The following AP4E1 variants were observed in gnomAD, a reference collection of about 807,000 sequenced individuals.
AP4E1 encodes the protein AP-4 complex subunit epsilon-1.
In AP4E1, 56 loss-of-function variants were observed where a neutral mutation model predicts 128.2. The ratio of observed to expected loss-of-function variants is 0.44; its 90% confidence interval spans 0.35 to 0.55. AP4E1 has a LOEUF of 0.55. Ranked by LOEUF, AP4E1 falls within the 20% of genes least tolerant of loss-of-function variation. AP4E1 has a pLI of 0.00. For missense variants in AP4E1, 1,324 were observed against 1,307.7 expected, an observed-to-expected ratio of 1.01 and a Z score of -0.19; for synonymous variants, 484 against 473.1, an observed-to-expected ratio of 1.02 and a Z score of -0.30.
chr15:50,914,968 G>A (rs987379846), intron 2 of AP4E1, among the ~76,000 whole-genome samples: 1 of 152,130 alleles, frequency 6.6e-6, no homozygotes, highest in Non-Finnish European at 1.5e-5. Context: ...CAATAATTCT[G>A]AAGAAAATCT....
At chr15:50,916,458 A>G (rs560187938) in intron 3 of AP4E1, among the ~76,000 whole-genome samples, 4 of 152,352 alleles carry the variant, frequency 2.6e-5, no homozygotes, top group Non-Finnish European at 5.9e-5. Flanking sequence ...TTCTATTCAT[A>G]AATGTTCAAC....
chr15:50,997,631 A>C lies in AP4E1; in HGVS notation c.2652A>C (p.Glu884Asp). The change falls in exon 18 of 21, where the codon GAA (glutamate) becomes GAC (aspartate). Residue 884 changes from glutamate (E) to aspartate (D), a missense_variant. By Grantham distance (45) the Glu-to-Asp change is conservative. Coordinates refer to ENST00000261842, the MANE Select transcript of AP4E1 (RefSeq NM_007347.5). ...CATTGTTTGCTAATAACAACATGGA[A>C]ATTTTTCACCCTCCTCAATCTACTG... ...TPSLFANNNM[E>D]IFHPPQSTAA... The C allele has an allele frequency of 6.2e-7, 1 of 1,614,072 alleles. No individual in the cohort carries two copies. The highest frequency in any genetic ancestry group is 8.5e-7 in the Non-Finnish European group (1 of 1,179,996).
chr15:50,934,966 T>C (rs1314523212), intron 8 of AP4E1, among the ~76,000 whole-genome samples: 1 of 152,132 alleles, frequency 6.6e-6, no homozygotes, highest in African/African-American at 2.4e-5. Context: ...TTTTTTCAAG[T>C]ATCTAATTGA....
chr15:50,918,903 G>A (rs991217352), intron 3 of AP4E1, among the ~76,000 whole-genome samples: 1 of 151,850 alleles, frequency 6.6e-6, no homozygotes, highest in Non-Finnish European at 1.5e-5. Context: ...GCTTATTTTT[G>A]ATTTTTTTTT....
At chr15:50,937,443 A>C (rs1295805775) in intron 8 of AP4E1, among the ~76,000 whole-genome samples, 2 of 152,244 alleles carry the variant, frequency 1.3e-5, no homozygotes, top group African/African-American at 2.4e-5. Flanking sequence ...AATATCTGCT[A>C]TGTGCCAGGC....
Position 50,912,122 on chromosome 15 carries a change from G to A in AP4E1, c.195G>A (p.Ala65=), listed in dbSNP as rs376597376. ...LIQQELSSLK[A]TVSAPTTTLK... ...AGCAGGAACTGAGTAGTCTGAAAGC[G>A]ACTGTTTCTGCTCCTACTACAACAC... The change falls in exon 2 of 21, where the codon GCG becomes GCA. Residue 65 remains alanine, a synonymous_variant. Coordinates refer to ENST00000261842, the MANE Select transcript of AP4E1 (RefSeq NM_007347.5). 7 of 1,613,972 alleles carry A rather than the reference G, an allele frequency of 4.3e-6. No homozygotes were observed. Among genetic ancestry groups the A allele is most frequent in the East Asian group, 4.5e-5 (2 of 44,872 alleles).
chr15:50,966,924 T>A (rs1012320203), intron 14 of AP4E1, among the ~76,000 whole-genome samples: 2 of 152,246 alleles, frequency 1.3e-5, no homozygotes, highest in African/African-American at 2.4e-5. Context: ...TTCTAAATTA[T>A]CTGAGCTATT....
rs2064088992 is a variant in AP4E1, at chr15:50,948,129, T to G, written c.1286T>G (p.Leu429Trp). The stretch of plus-strand genomic sequence containing the variant: ...AAAGAAGAGTATGTCATCGTCAATT[T>G]GGTCGGCAAAATAGCAGAGCTGGCT... ...QSKEEYVIVNLVGKIAELAEK... is the reference protein window; with the variant it reads ...QSKEEYVIVNWVGKIAELAEK... Residue 429 changes from leucine (L) to tryptophan (W), a missense_variant, in exon 11 of 21, where the codon TTG becomes TGG. Leu to Trp is a moderately conservative substitution (Grantham distance 61). Transcript: ENST00000261842. The G allele has an allele frequency of 1.2e-6, 2 of 1,614,020 alleles. No individual in the cohort carries two copies. Among genetic ancestry groups the G allele is most frequent in the East Asian group, 4.5e-5 (2 of 44,832 alleles).
At chr15:50,965,102 G>A (rs1422404258) in intron 14 of AP4E1, among the ~76,000 whole-genome samples, 1 of 151,984 alleles carries the variant, frequency 6.6e-6, no homozygotes, top group Admixed American at 6.6e-5. Context: ...ACAGATGCCG[G>A]TATCATGCTT....
intron 13 of AP4E1, among the ~76,000 whole-genome samples, chr15:50,955,805 A>C (rs932639809): frequency 2.0e-5 from 3 of 152,172 alleles, no homozygotes; most frequent in Non-Finnish European, 4.4e-5. Context: ...CAGTCTTCTC[A>C]GTTGCCACCC....
At chr15:50,940,340 A>T (rs939112690) in intron 8 of AP4E1, among the ~76,000 whole-genome samples, 1 of 152,020 alleles carries the variant, frequency 6.6e-6, no homozygotes, top group African/African-American at 2.4e-5. Flanking sequence ...GAAGAGGTTT[A>T]AAATTTTTTT....
rs72742388 is a variant in AP4E1 at position 50,914,814 on chromosome 15, T to C, written c.223-634T>C. 1.5e-3 allele frequency among the ~76,000 whole-genome samples: 227 copies of C among 152,264 alleles called. 1 individual carries two copies. Among genetic ancestry groups the C allele is most frequent in the South Asian group, 4.1e-3 (20 of 4,830 alleles). On this transcript the variant is annotated intron_variant, in intron 2 of 20. Coordinates refer to ENST00000261842, the MANE Select transcript of AP4E1 (RefSeq NM_007347.5). Reference sequence around the variant, plus strand: ...ATCCCTTAAAAATTTTTGGCTTGCATTGAAGATATTAAAAGACCCCATTAG... The same window carrying C: ...ATCCCTTAAAAATTTTTGGCTTGCACTGAAGATATTAAAAGACCCCATTAG...
chr15:50,996,145 C>T lies in AP4E1; in HGVS notation c.2347-1181C>T, dbSNP rs544750074. Among the ~76,000 whole-genome samples the T allele has an allele frequency of 9.0e-5, 13 of 145,044 alleles. No homozygotes were observed. In the East Asian group the frequency reaches 1.4e-3, roughly 16 times the overall value. On this transcript the variant is annotated intron_variant, in intron 17 of 20. Transcript: ENST00000261842. Reference sequence around the variant, plus strand: ...CTGGGATTACAGGCATGCGCTACCACGCCTGGCTAATTTTTTTTTTTTTTT... The same window carrying T: ...CTGGGATTACAGGCATGCGCTACCATGCCTGGCTAATTTTTTTTTTTTTTT...
At position 50,926,604 on chromosome 15, in the gene AP4E1, C is replaced by CT. The variant is rs1055961596; in HGVS notation, c.542+1397dup. Among the ~76,000 whole-genome samples, 803 of 143,646 alleles carry CT rather than the reference C, an allele frequency of 5.6e-3. 5 individuals carry two copies. The highest frequency in any genetic ancestry group is 0.017 in the African/African-American group (658 of 39,422). The allele number at this position is 143,646 out of a possible 152,430, so 94.2% of individuals were successfully genotyped here. A position where few individuals can be genotyped will look rare whatever the true frequency, so the allele number is the denominator to read the frequency against. On this transcript the variant is annotated intron_variant, in intron 5 of 20. Transcript: ENST00000261842. ...AAAATGTTGTTTTATAGCTTGTATT[C>CT]TTTTTTTTTTTTGAGATGGAGTCTT...
chr15:50,918,160 T>C (rs1265736090), intron 3 of AP4E1: 1 of 152,098 alleles, frequency 6.6e-6, no homozygotes, highest in African/African-American at 2.4e-5. Context: ...GCATGAACCA[T>C]GTGTTGTGCT....
chr15:50,928,100 A>C (rs1444867600), intron 5 of AP4E1, among the ~76,000 whole-genome samples: 1 of 152,122 alleles, frequency 6.6e-6, no homozygotes, highest in Non-Finnish European at 1.5e-5. Flanking sequence ...CTTTATTATC[A>C]TGAGGTTTTG....
rs1181291357 is a variant in AP4E1, at chr15:50,997,897, G to A, written c.2904+14G>A. On this transcript the variant is annotated intron_variant, in intron 18 of 20. Coordinates refer to ENST00000261842, the MANE Select transcript of AP4E1 (RefSeq NM_007347.5). ...GAAAATTTCAAGGTAAAATTTAAAG[G>A]TATTATTGTTTTATTTTCAGTGTAT... 2.5e-6 allele frequency: 4 copies of A among 1,573,064 alleles called. No individual in the cohort carries two copies. The highest frequency in any genetic ancestry group is 1.7e-5 in the Admixed American group (1 of 57,878).
At chr15:50,949,656 C>T (rs2064116946) in intron 11 of AP4E1, among the ~76,000 whole-genome samples, 170 bp from the exon 12 acceptor site, 1 of 152,030 alleles carries the variant, frequency 6.6e-6, no homozygotes. Context: ...TAAGCTTCTA[C>T]TGAGTACCTA....
chr15:50,934,527 C>A, intron 7 of AP4E1, 97 bp from the exon 8 acceptor site: 1 of 781,030 alleles, frequency 1.3e-6, no homozygotes, highest in Non-Finnish European at 2.2e-6. Context: ...TTTCACTTCT[C>A]TTCTGTAGAT....
Sources: gnomAD v4.1 joint callset for allele counts (sites outside exome capture counted in the v4.1 genomes callset) on GRCh38, gnomAD v4.1.1 for gene constraint, MANE v1.5 for transcripts, NCBI Gene and HGNC (gene_info 2026-07-23, HGNC 2026-07-21) for gene names.